Variants in PI4KA observed in about 807,000 individuals in gnomAD.
The protein encoded by PI4KA is phosphatidylinositol 4-kinase alpha.
PI4KA carries 122 observed loss-of-function variants against 271.4 expected under a neutral mutation model. The ratio of observed to expected loss-of-function variants is 0.45; its 90% CI spans 0.39 to 0.52. PI4KA has a LOEUF of 0.52. Among genes scored for constraint, PI4KA ranks in the 20% least tolerant of loss-of-function variants. The pLI, the probability that PI4KA is intolerant of heterozygous loss-of-function variation, is 0.00. For missense variants in PI4KA, 1,969 were observed against 2,769.1 expected, an observed-to-expected ratio of 0.71 and a Z score of 6.48; for synonymous variants, 1,041 against 1,078.8, an observed-to-expected ratio of 0.96 and a Z score of 0.69.
rs560067356 is a variant in PI4KA, at chr22:20,788,118, C to T, written c.2328+5075G>A. ...TGTTCAGCACGCAAGAGTGCCAGTG[C>T]TCTTTCAGTGAGGGGATGACTGACG... On this transcript the variant is annotated intron_variant, in intron 19 of 54. Transcript: ENST00000255882. Among the ~76,000 whole-genome samples, 4 of 152,334 alleles carry T rather than the reference C, an allele frequency of 2.6e-5. No individual in the cohort carries two copies. The South Asian group carries it at 8.3e-4, about 32-fold the overall frequency.
intron 45 of PI4KA, 77 bp from the exon 46 acceptor site, chr22:20,714,777 G>A (rs1925763185): frequency 1.3e-6 from 2 of 1,511,996 alleles, no homozygotes; most frequent in African/African-American, 2.8e-5. Context: ...CAACACGGAT[G>A]TTACATGCGT....
intron 8 of PI4KA, among the ~76,000 whole-genome samples, chr22:20,812,027 A>G (rs1381602531): frequency 6.6e-6 from 1 of 151,848 alleles, no homozygotes; most frequent in Non-Finnish European, 1.5e-5. Flanking sequence ...AAAAAAAAAA[A>G]AAAAAGAAAA....
chr22:20,827,323 T>A (rs899979508), intron 3 of PI4KA, among the ~76,000 whole-genome samples: 3 of 152,198 alleles, frequency 2.0e-5, no homozygotes, highest in African/African-American at 7.2e-5. Flanking sequence ...CTTTCCCCAT[T>A]ACTTGTTTTG....
At chr22:20,843,773 C>G (rs886279131) in intron 1 of PI4KA, among the ~76,000 whole-genome samples, 3 of 152,148 alleles carry the variant, frequency 2.0e-5, no homozygotes, top group Admixed American at 2.0e-4. Flanking sequence ...CTAACTACAT[C>G]TTCCTTCTCA....
At chr22:20,759,111 G>T (rs1931660138) in intron 23 of PI4KA, among the ~76,000 whole-genome samples, 1 of 152,254 alleles carries the variant, frequency 6.6e-6, no homozygotes, top group Admixed American at 6.5e-5. Context: ...GTGCAGTGGT[G>T]CGATCCTGGC....
chr22:20,755,136 G>T (rs1931140969), intron 23 of PI4KA, among the ~76,000 whole-genome samples: 1 of 152,102 alleles, frequency 6.6e-6, no homozygotes, highest in Admixed American at 6.5e-5. Flanking sequence ...GGAAGGTTCA[G>T]CCTTTTTCCC....
chr22:20,779,980 A>G (rs1473627250), intron 19 of PI4KA: 2 of 1,614,158 alleles, frequency 1.2e-6, no homozygotes, highest in Non-Finnish European at 1.7e-6. Flanking sequence ...TCAGTCAATG[A>G]CCTTTATATC....
In PI4KA at chr22:20,817,734, C is replaced by CAAAAAAAA. The variant is rs361731; in HGVS notation, c.856+741_856+748dup. Among the ~76,000 whole-genome samples the CAAAAAAAA allele has an allele frequency of 2.1e-3, 29 of 13,972 alleles. 10 individuals are homozygous for CAAAAAAAA. Among genetic ancestry groups the CAAAAAAAA allele is most frequent in the Non-Finnish European group, 2.9e-3 (22 of 7,462 alleles). The allele number at this position is 13,972 out of a possible 152,430, so 9.2% of individuals were successfully genotyped here. On this transcript the variant is annotated intron_variant, in intron 7 of 54. Transcript: ENST00000255882. ...GGGTGGCAGAGTGAGACTCTCTCTCCAAAAAAAAAAAAAAAAAAAAAAAAA... is the reference window on the plus strand; with the variant it reads ...GGGTGGCAGAGTGAGACTCTCTCTCCAAAAAAAAAAAAAAAAAAAAAAAAAAAAAAAAA...
intron 42 of PI4KA, among the ~76,000 whole-genome samples, chr22:20,723,035 CTTTTT>C (rs201708519): frequency 6.9e-6 from 1 of 145,456 alleles, no homozygotes. Flanking sequence ...TTTACTGTTC[CTTTTT>C]TTTTTTGAGA....
chr22:20,783,015 T>C (rs932230410), intron 19 of PI4KA, among the ~76,000 whole-genome samples: 4 of 152,114 alleles, frequency 2.6e-5, no homozygotes, highest in African/African-American at 9.7e-5. Context: ...TTTCCTCATA[T>C]GTAAAAGAGG....
At chr22:20,729,806 G>C in intron 37 of PI4KA, 86 bp downstream of exon 37, 2 of 1,589,066 alleles carry the variant, frequency 1.3e-6, no homozygotes, top group Non-Finnish European at 1.7e-6. Flanking sequence ...GCTCTGTTCT[G>C]CTGTCTGAGC....
chr22:20,734,601 G>A, intron 32 of PI4KA, 48 bp from the exon 33 acceptor site: 2 of 1,532,366 alleles, frequency 1.3e-6, no homozygotes, highest in South Asian at 1.2e-5. Context: ...CACAAAAAGG[G>A]GCTACTGTCA....
chr22:20,831,381 A>C (rs1924138058), intron 3 of PI4KA, among the ~76,000 whole-genome samples: 1 of 152,148 alleles, frequency 6.6e-6, no homozygotes, highest in Non-Finnish European at 1.5e-5. Context: ...AGCCTAGTCA[A>C]CATGGCAAAA....
intron 1 of PI4KA, among the ~76,000 whole-genome samples, chr22:20,856,941 TTC>T (rs1176438934): frequency 6.6e-6 from 1 of 152,196 alleles, no homozygotes; most frequent in East Asian, 1.9e-4. Context: ...CTGCATTCTC[TTC>T]TCTCTCCTCC....
At chr22:20,793,073 T>C (rs1934751217) in intron 19 of PI4KA, 120 bp downstream of exon 19, 2 of 701,066 alleles carry the variant, frequency 2.9e-6, no homozygotes, top group Admixed American at 2.1e-5. Flanking sequence ...CAGTCACATC[T>C]AGAGGCATAG....
intron 7 of PI4KA, among the ~76,000 whole-genome samples, chr22:20,814,810 A>G (rs986794974): frequency 3.9e-5 from 6 of 152,050 alleles, no homozygotes; most frequent in African/African-American, 1.4e-4. Flanking sequence ...TAAAAAAAAA[A>G]GAAGGAAAAA....
At chr22:20,762,959 T>G (rs993997861) in intron 22 of PI4KA, among the ~76,000 whole-genome samples, 1 of 136,910 alleles carries the variant, frequency 7.3e-6, no homozygotes. Context: ...GTCTCCTGAG[T>G]AGCTGGGACT....
chr22:20,855,029 G>A (rs1199386674), intron 1 of PI4KA, among the ~76,000 whole-genome samples: 1 of 151,946 alleles, frequency 6.6e-6, no homozygotes, highest in East Asian at 1.9e-4. Flanking sequence ...GCAGGTGCCT[G>A]TAGTCCCAGC....
intron 8 of PI4KA, among the ~76,000 whole-genome samples, chr22:20,812,399 C>T (rs1472568508): frequency 2.6e-5 from 4 of 152,172 alleles, no homozygotes; most frequent in Non-Finnish European, 4.4e-5. Context: ...GGCCACTCCT[C>T]AGCACATGCT....
Sources: allele counts gnomAD v4.1 joint callset (sites outside exome capture counted in the v4.1 genomes callset), GRCh38; gene constraint gnomAD v4.1.1; transcripts MANE v1.5; gene names NCBI Gene and HGNC (gene_info 2026-07-23, HGNC 2026-07-21).